PKN2: variants seen among roughly 807,000 people sequenced by gnomAD.
The protein encoded by PKN2 is serine/threonine-protein kinase N2.
PKN2 carries 38 observed loss-of-function variants against 119.1 expected under a neutral mutation model. That is an observed-to-expected ratio of 0.32 (90% CI 0.25 to 0.42). The LOEUF is 0.42. Among genes scored for constraint, PKN2 ranks in the 10% least tolerant of loss-of-function variants. PKN2 has a pLI of 1.00. For missense variants in PKN2, 850 were observed against 1,165.1 expected (o/e 0.73, Z 3.94); for synonymous variants, 390 against 384.9 (o/e 1.01, Z -0.15).
chr1:88,697,479 CT>C (rs915271778), intron 1 of PKN2, among the ~76,000 whole-genome samples: 1 of 152,136 alleles, frequency 6.6e-6, no homozygotes, highest in Non-Finnish European at 1.5e-5. Flanking sequence ...TCATTCATTA[CT>C]TTGCCATTGT....
At chr1:88,722,288 A>G (rs577331628) in intron 1 of PKN2, among the ~76,000 whole-genome samples, 1 of 152,316 alleles carries the variant, frequency 6.6e-6, no homozygotes, top group African/African-American at 2.4e-5. Flanking sequence ...TTGAATATGT[A>G]TGCGACCTAA....
At chr1:88,730,113 G>C (rs1002236983) in intron 1 of PKN2, among the ~76,000 whole-genome samples, 8 of 151,860 alleles carry the variant, frequency 5.3e-5, no homozygotes. Flanking sequence ...TGCAGTGAGC[G>C]GAGATTGTGC....
At chr1:88,794,106 G>T (rs780073784) in intron 8 of PKN2, among the ~76,000 whole-genome samples, 8 of 152,158 alleles carry the variant, frequency 5.3e-5, no homozygotes, top group Non-Finnish European at 1.0e-4. Flanking sequence ...GGTGGCTCAC[G>T]CCTGTAATCC....
At chr1:88,782,253 T>G (rs1417838721) in intron 6 of PKN2, among the ~76,000 whole-genome samples, 1 of 152,100 alleles carries the variant, frequency 6.6e-6, no homozygotes. Context: ...TGTTCACGAC[T>G]TGTTTTGAGA....
chr1:88,775,212 C>T (rs1330189372), intron 6 of PKN2, among the ~76,000 whole-genome samples: 1 of 152,142 alleles, frequency 6.6e-6, no homozygotes, highest in Non-Finnish European at 1.5e-5. Flanking sequence ...AATCTGTCCA[C>T]CTTGGCCTCC....
At chr1:88,729,646 T>C (rs887635693) in intron 1 of PKN2, among the ~76,000 whole-genome samples, 2 of 152,220 alleles carry the variant, frequency 1.3e-5, no homozygotes, top group African/African-American at 4.8e-5. Flanking sequence ...TGAGCTCTCT[T>C]GAAGCCTGTA....
intron 1 of PKN2, among the ~76,000 whole-genome samples, chr1:88,687,628 A>G (rs1666156405): frequency 6.6e-6 from 1 of 152,210 alleles, no homozygotes; most frequent in African/African-American, 2.4e-5. Context: ...TTTCTTCATC[A>G]AAATGCCCAA....
intron 19 of PKN2, 22 bp downstream of exon 19, chr1:88,828,645 A>G: frequency 1.3e-6 from 2 of 1,587,456 alleles, no homozygotes; most frequent in East Asian, 2.3e-5. Context: ...GAAATAGGTA[A>G]GAGAACAGAG....
At chr1:88,741,407 T>C (rs938250699) in intron 2 of PKN2, 119 bp downstream of exon 2, 13 of 609,686 alleles carry the variant, frequency 2.1e-5, no homozygotes, top group African/African-American at 3.9e-5. Context: ...GTAGAGAGAC[T>C]TTTTCTCTTT....
intron 6 of PKN2, among the ~76,000 whole-genome samples, chr1:88,773,396 C>T (rs372049312): frequency 1.3e-5 from 2 of 152,120 alleles, no homozygotes; most frequent in Non-Finnish European, 2.9e-5. Flanking sequence ...AGGGTTTCAC[C>T]ATGATGGCCA....
intron 2 of PKN2, among the ~76,000 whole-genome samples, chr1:88,753,450 G>A (rs1275616503): frequency 6.6e-6 from 1 of 151,980 alleles, no homozygotes; most frequent in Non-Finnish European, 1.5e-5. Flanking sequence ...AGATATTTTC[G>A]TTGGATATAT....
intron 8 of PKN2, among the ~76,000 whole-genome samples, chr1:88,798,991 CA>C (rs1671204659): frequency 7.2e-6 from 1 of 139,516 alleles, no homozygotes; most frequent in Non-Finnish European, 1.5e-5. Context: ...TCTTATGTAA[CA>C]ATATAGGTTT....
At chr1:88,788,475 C>T (rs774787199) in intron 8 of PKN2, among the ~76,000 whole-genome samples, 1 of 150,186 alleles carries the variant, frequency 6.7e-6, no homozygotes, top group African/African-American at 2.5e-5. Context: ...GATGGAGTTT[C>T]GCTCTTGTTG....
chr1:88,747,987 G>A (rs1253418552), intron 2 of PKN2, among the ~76,000 whole-genome samples: 3 of 152,022 alleles, frequency 2.0e-5, no homozygotes, highest in African/African-American at 7.2e-5. Flanking sequence ...TAAATAGTGT[G>A]ATCATTAGTA....
intron 19 of PKN2, among the ~76,000 whole-genome samples, chr1:88,831,864 CTG>C (rs1178228390): frequency 1.3e-5 from 2 of 151,924 alleles, no homozygotes; most frequent in African/African-American, 4.8e-5. Context: ...TAAAAAATGA[CTG>C]AGTGATTTTT....
At chr1:88,803,542 T>C (rs1557622551) in intron 8 of PKN2, among the ~76,000 whole-genome samples, 2 of 152,118 alleles carry the variant, frequency 1.3e-5, no homozygotes, top group South Asian at 2.1e-4. Context: ...TTAAAACATA[T>C]AGGTAGAGGT....
intron 15 of PKN2, among the ~76,000 whole-genome samples, chr1:88,808,555 T>C (rs112162210): frequency 0.055 from 8,316 of 152,110 alleles, 544 homozygotes; most frequent in African/African-American, 0.16. Flanking sequence ...CCGCCAGCCT[T>C]GGCCTCCCAA....
Position 88,684,372 on chromosome 1 carries a change from C to A in PKN2, c.-209C>A, listed in dbSNP as rs1411228937. On this transcript the variant is annotated 5_prime_UTR_variant, in exon 1 of 22. Coordinates refer to ENST00000370521, the MANE Select transcript of PKN2 (RefSeq NM_006256.4). ...TCCGGTGAGGGCGGCGAGAGGAAGC[C>A]CGCTACGAGTGCCCTAGCTCCCCGC... 1 of 492,192 alleles carries A rather than the reference C, an allele frequency of 2.0e-6. No homozygotes were observed. Among genetic ancestry groups the A allele is most frequent in the African/African-American group, 2.0e-5 (1 of 49,118 alleles). The allele number at this position is 492,192 out of a possible 1,614,324, so 30.5% of individuals were successfully genotyped here. A position where few individuals can be genotyped will look rare whatever the true frequency, so the allele number is the denominator to read the frequency against.
chr1:88,797,654 AGAG>A (rs1327064226), intron 8 of PKN2, among the ~76,000 whole-genome samples: 1,541 of 138,750 alleles, frequency 0.011, 10 homozygotes, highest in Non-Finnish European at 0.017. Flanking sequence ...AAAAAAAAAG[AGAG>A]AGAATGTCTT....
Sources: allele counts gnomAD v4.1 joint callset (sites outside exome capture counted in the v4.1 genomes callset), GRCh38; gene constraint gnomAD v4.1.1; transcripts MANE v1.5; gene names NCBI Gene and HGNC (gene_info 2026-07-23, HGNC 2026-07-21).